The following BRAF variants were observed in gnomAD, a reference collection of about 807,000 sequenced individuals.
BRAF encodes B-Raf proto-oncogene, serine/threonine kinase.
A neutral mutation model predicts 104.6 loss-of-function variants in BRAF; 16 were observed. That is an observed-to-expected ratio of 0.15 (90% CI 0.10 to 0.23). The LOEUF (loss-of-function observed/expected upper bound fraction) is 0.23. Ranked by LOEUF, BRAF falls within the 10% of genes least tolerant of loss-of-function variation. The pLI, the probability that BRAF is intolerant of heterozygous loss-of-function variation, is 1.00. For synonymous variants in BRAF, 310 were observed against 341.6 expected, an observed-to-expected ratio of 0.91 and a Z score of 1.02; for missense variants, 541 against 937.3, an observed-to-expected ratio of 0.58 and a Z score of 5.52.
chr7:140,861,288 C>G (rs1397449648), intron 1 of BRAF, among the ~76,000 whole-genome samples: 1 of 152,164 alleles, frequency 6.6e-6, no homozygotes, highest in East Asian at 1.9e-4. Flanking sequence ...GGGGTGCAAA[C>G]TTGTTCAGTT....
chr7:140,782,979 G>A (rs1361847482), intron 11 of BRAF, 42 bp downstream of exon 10: 2 of 1,606,556 alleles, frequency 1.2e-6, no homozygotes, highest in Non-Finnish European at 1.7e-6. Context: ...TGACTTCTAA[G>A]AAGAAAGAAT....
At chr7:140,915,080 C>A (rs1164766225) in intron 1 of BRAF, among the ~76,000 whole-genome samples, 1 of 142,234 alleles carries the variant, frequency 7.0e-6, no homozygotes, top group Admixed American at 7.2e-5. Context: ...ACCATACCTA[C>A]TTAAGACTTA....
Position 140,724,174 on chromosome 7 carries a change from G to A in BRAF, c.*2320C>T. ...TGAATATTGTTTAAGAAACTGAAAT[G>A]CTAAGCTTCCTCCCTAATGGTACCG... On this transcript the variant is annotated 3_prime_UTR_variant, in exon 20 of 20. Coordinates refer to ENST00000644969, the MANE Select transcript of BRAF (RefSeq NM_001374258.1). 7 of 1,056,330 alleles carry A rather than the reference G, an allele frequency of 6.6e-6. No individual in the cohort carries two copies. Among genetic ancestry groups the A allele is most frequent in the Non-Finnish European group, 8.0e-6 (7 of 873,766 alleles). 65.4% of individuals were successfully genotyped at this position (1,056,330 alleles called of 1,614,324 possible).
At chr7:140,921,203 G>A (rs1378310695) in intron 1 of BRAF, among the ~76,000 whole-genome samples, 1 of 152,084 alleles carries the variant, frequency 6.6e-6, no homozygotes, top group Non-Finnish European at 1.5e-5. Flanking sequence ...TTAAAAAAAT[G>A]TATTTATTAT....
chr7:140,817,569 C>T (rs1259717177), intron 3 of BRAF, among the ~76,000 whole-genome samples: 1 of 152,180 alleles, frequency 6.6e-6, no homozygotes, highest in Non-Finnish European at 1.5e-5. Context: ...GTAACCAAAA[C>T]AGCATGGTAC....
rs145675911 is a variant in BRAF, at chr7:140,800,427, C to T, written c.915G>A (p.Ala305=). ...FEHHPIPQEE[A]SLAETALTSG... is the part of the protein sequence containing the mutation. ...ATGTTAGGGCAGTCTCTGCTAAGGACGCCTCTTCCTGTGGTATTGGGTGGT... is the reference window on the plus strand; with the variant it reads ...ATGTTAGGGCAGTCTCTGCTAAGGATGCCTCTTCCTGTGGTATTGGGTGGT... The change falls in exon 7 of 20, where the codon GCG becomes GCA. Residue 305 remains alanine, a synonymous_variant. Coordinates refer to ENST00000644969, the MANE Select transcript of BRAF (RefSeq NM_001374258.1). The T allele has an allele frequency of 9.3e-6, 15 of 1,614,018 alleles. No homozygotes were observed. The African/African-American group carries it at 1.2e-4, about 13-fold the overall frequency.
At chr7:140,781,539 T>C (rs201421881) in intron 12 of BRAF, 37 bp downstream of exon 11, 38 of 1,548,418 alleles carry the variant, frequency 2.5e-5, no homozygotes, top group Non-Finnish European at 4.5e-6. Context: ...CATATCCTAT[T>C]ATGACTTGTC....
intron 14 of BRAF, among the ~76,000 whole-genome samples, chr7:140,766,453 AAAC>A (rs1002164996): frequency 1.4e-4 from 22 of 152,270 alleles, no homozygotes; most frequent in African/African-American, 2.2e-4. Flanking sequence ...AAAAAAAACA[AAAC>A]AACAACAAAA....
chr7:140,754,111 C>T (rs1360763791), intron 15 of BRAF, 76 bp downstream of exon 14: 3 of 1,439,506 alleles, frequency 2.1e-6, no homozygotes, highest in Non-Finnish European at 2.9e-6. Flanking sequence ...ACTGTTTTTA[C>T]ATAATGTGAA....
At chr7:140,832,934 C>A (rs1308111079) in intron 3 of BRAF, among the ~76,000 whole-genome samples, 2 of 147,718 alleles carry the variant, frequency 1.4e-5, no homozygotes, top group Non-Finnish European at 3.0e-5. Context: ...AGTGCAGTGG[C>A]GCGATCTCGG....
At chr7:140,895,190 T>G (rs902541452) in intron 1 of BRAF, among the ~76,000 whole-genome samples, 1 of 152,194 alleles carries the variant, frequency 6.6e-6, no homozygotes, top group Non-Finnish European at 1.5e-5. Flanking sequence ...CCAATACAAT[T>G]ACTTACCTAA....
chr7:140,766,645 C>G (rs1441263127), intron 14 of BRAF, among the ~76,000 whole-genome samples: 1 of 151,920 alleles, frequency 6.6e-6, no homozygotes, highest in Non-Finnish European at 1.5e-5. Context: ...TGCAGTGGTG[C>G]AATCTCCACT....
rs552972526 is a variant in BRAF at position 140,736,808 on chromosome 7, G to A, written c.2248-2038C>T. Among the ~76,000 whole-genome samples, 6 of 152,140 alleles carry A rather than the reference G, an allele frequency of 3.9e-5. No homozygotes were observed. In the East Asian group the frequency reaches 5.8e-4, roughly 15 times the overall value. On this transcript the variant is annotated intron_variant, in intron 18 of 19. Transcript: ENST00000644969. Reference sequence around the variant, plus strand: ...TCCCAGCACTTTGGGAGGCTGAGGCGAGAGGATCGCTTGAGGCCAGGAGTT... The same window carrying A: ...TCCCAGCACTTTGGGAGGCTGAGGCAAGAGGATCGCTTGAGGCCAGGAGTT...
At chr7:140,783,995 T>A (rs1801121100) in intron 10 of BRAF, among the ~76,000 whole-genome samples, 1 of 152,158 alleles carries the variant, frequency 6.6e-6, no homozygotes, top group African/African-American at 2.4e-5. Context: ...ATGGCAAACA[T>A]CCTGAGTTAA....
chr7:140,789,414 A>C (rs1321111124), intron 8 of BRAF, among the ~76,000 whole-genome samples: 1 of 152,162 alleles, frequency 6.6e-6, no homozygotes, highest in Non-Finnish European at 1.5e-5. Flanking sequence ...CTTTTTGTTT[A>C]CAGGCTAAAA....
At chr7:140,858,385 T>C (rs1298364645) in intron 1 of BRAF, among the ~76,000 whole-genome samples, 1 of 152,174 alleles carries the variant, frequency 6.6e-6, no homozygotes, top group Admixed American at 6.5e-5. Flanking sequence ...ACTGAAATAA[T>C]CAAATATAGA....
At chr7:140,856,096 T>C (rs923976105) in intron 1 of BRAF, among the ~76,000 whole-genome samples, 4 of 148,906 alleles carry the variant, frequency 2.7e-5, no homozygotes, top group African/African-American at 9.8e-5. Flanking sequence ...ATATATGATA[T>C]ATAAACATAT....
intron 1 of BRAF, among the ~76,000 whole-genome samples, chr7:140,915,313 A>G (rs773964122): frequency 6.6e-6 from 1 of 152,150 alleles, no homozygotes; most frequent in Non-Finnish European, 1.5e-5. Flanking sequence ...ATTTCAATTA[A>G]GCAGTTCTAA....
chr7:140,797,048 C>A (rs951894969), intron 7 of BRAF, among the ~76,000 whole-genome samples: 1 of 152,062 alleles, frequency 6.6e-6, no homozygotes, highest in African/African-American at 2.4e-5. Flanking sequence ...TTTCCACTAA[C>A]CAAGGTAACT....
Sources: gnomAD v4.1 joint callset for allele counts (sites outside exome capture counted in the v4.1 genomes callset) on GRCh38, gnomAD v4.1.1 for gene constraint, MANE v1.5 for transcripts, NCBI Gene and HGNC (gene_info 2026-07-23, HGNC 2026-07-21) for gene names.